The following BIRC6 variants were observed in gnomAD, a reference collection of about 807,000 sequenced individuals.
BIRC6 encodes the protein baculoviral IAP repeat containing 6.
In BIRC6, 98 loss-of-function variants were observed where a neutral mutation model predicts 503.3. That is an observed-to-expected ratio of 0.19 (90% CI 0.17 to 0.23). The LOEUF (loss-of-function observed/expected upper bound fraction) is 0.23, where lower values mean the gene tolerates loss of function less well. Among genes scored for constraint, BIRC6 ranks in the 10% least tolerant of loss-of-function variants. BIRC6 has a pLI of 1.00. For missense variants in BIRC6, 5,360 were observed against 5,806.0 expected, an observed-to-expected ratio of 0.92 and a Z score of 2.50; for synonymous variants, 2,240 against 2,078.7, an observed-to-expected ratio of 1.08 and a Z score of -2.11.
At chr2:32,537,836 G>A (rs890762931) in intron 61 of BIRC6, among the ~76,000 whole-genome samples, 4 of 151,968 alleles carry the variant, frequency 2.6e-5, no homozygotes, top group African/African-American at 4.8e-5. Context: ...CGGGGTGGCA[G>A]GTGCCTGTAG....
chr2:32,440,853 A>G (rs72798796), intron 16 of BIRC6, among the ~76,000 whole-genome samples: 1 of 151,670 alleles, frequency 6.6e-6, no homozygotes, highest in Admixed American at 6.6e-5. Flanking sequence ...GCCTCCACCC[A>G]CTGAGTTCAA....
At chr2:32,465,667 A>G (rs1230419789) in intron 26 of BIRC6, among the ~76,000 whole-genome samples, 2 of 152,174 alleles carry the variant, frequency 1.3e-5, no homozygotes, top group African/African-American at 2.4e-5. Flanking sequence ...CAATCACAAC[A>G]TATTTGTGAA....
chr2:32,613,848 A>G (rs981607292), intron 73 of BIRC6, among the ~76,000 whole-genome samples: 13 of 151,868 alleles, frequency 8.6e-5, no homozygotes, highest in Admixed American at 3.9e-4. Flanking sequence ...TTCCTGAGCA[A>G]TTGTTTACCT....
intron 45 of BIRC6, among the ~76,000 whole-genome samples, chr2:32,495,719 T>C (rs957457605): frequency 2.6e-5 from 4 of 152,008 alleles, no homozygotes; most frequent in African/African-American, 4.8e-5. Context: ...CAGAATATTA[T>C]GTTTTCTTCT....
chr2:32,468,799 A>C lies in BIRC6; in HGVS notation c.6127+16A>C. ...GCTTCTAATGGTTTGTATTTGGCTT[A>C]CATATTTTAAAGGCTGGGAATATAC... On this transcript the variant is annotated intron_variant, in intron 29 of 73. Transcript: ENST00000421745. The C allele has an allele frequency of 6.5e-7, 1 of 1,537,608 alleles. No homozygotes were observed. The highest frequency in any genetic ancestry group is 1.4e-5 in the African/African-American group (1 of 73,028).
At chr2:32,403,033 T>C (rs1463700211) in intron 8 of BIRC6, among the ~76,000 whole-genome samples, 1 of 152,214 alleles carries the variant, frequency 6.6e-6, no homozygotes, top group Non-Finnish European at 1.5e-5. Context: ...TACTTGCTTT[T>C]AAGAAATTCA....
chr2:32,478,023 C>G (rs975662865), intron 35 of BIRC6, among the ~76,000 whole-genome samples: 1 of 152,014 alleles, frequency 6.6e-6, no homozygotes, highest in Non-Finnish European at 1.5e-5. Context: ...AGGAAATACA[C>G]AAGTAAGTGT....
At chr2:32,435,996 A>G (rs1266708247) in intron 14 of BIRC6, 57 bp from the exon 15 acceptor site, 1 of 1,077,282 alleles carries the variant, frequency 9.3e-7, no homozygotes, top group Non-Finnish European at 1.2e-6. Context: ...TTTGCTTATT[A>G]AATATTACAT....
intron 9 of BIRC6, among the ~76,000 whole-genome samples, chr2:32,412,247 C>T (rs889790789): frequency 6.6e-6 from 1 of 151,990 alleles, no homozygotes; most frequent in Non-Finnish European, 1.5e-5. Context: ...GTCTATAATC[C>T]GAGCACTTTG....
chr2:32,377,852 T>A, intron 2 of BIRC6, 83 bp downstream of exon 2: 1 of 1,217,760 alleles, frequency 8.2e-7, no homozygotes, highest in Non-Finnish European at 1.1e-6. Flanking sequence ...TAAGTCATCC[T>A]TTAAGGACGT....
chr2:32,451,304 T>A (rs1421019980), intron 22 of BIRC6, among the ~76,000 whole-genome samples: 1 of 152,136 alleles, frequency 6.6e-6, no homozygotes, highest in Non-Finnish European at 1.5e-5. Context: ...CCCCGTTTAG[T>A]CTTTTTTGGC....
At chr2:32,596,057 A>T (rs1428160718) in intron 68 of BIRC6, among the ~76,000 whole-genome samples, 1 of 152,222 alleles carries the variant, frequency 6.6e-6, no homozygotes, top group East Asian at 1.9e-4. Flanking sequence ...GTATTAAAGT[A>T]CTAAAACCAA....
rs150899507 is a variant in BIRC6 at position 32,429,243 on chromosome 2, A to G, written c.2970A>G (p.Pro990=). ...VDGSLSKGIE[P]SSEGSKPLSN... Reference sequence around the variant, plus strand: ...GATCTCTTTCTAAAGGAATAGAACCATCTTCAGAAGGTTCCAAACCTTTAT... The same window carrying G: ...GATCTCTTTCTAAAGGAATAGAACCGTCTTCAGAAGGTTCCAAACCTTTAT... The change falls in exon 11 of 74, where the codon CCA becomes CCG. Residue 990 remains proline (P), a synonymous_variant. Transcript: ENST00000421745. 1.1e-5 allele frequency: 17 copies of G among 1,554,602 alleles called. 1 individual carries two copies. The highest frequency in any genetic ancestry group is 2.4e-5 in the South Asian group (2 of 83,660).
At chr2:32,447,202 C>G (rs1428778355) in intron 21 of BIRC6, among the ~76,000 whole-genome samples, 1 of 149,504 alleles carries the variant, frequency 6.7e-6, no homozygotes, top group Non-Finnish European at 1.5e-5. Context: ...TTTCCCCACC[C>G]TTCCCGCCTT....
chr2:32,610,116 T>C (rs2062763367), intron 72 of BIRC6, among the ~76,000 whole-genome samples: 1 of 152,190 alleles, frequency 6.6e-6, no homozygotes, highest in Non-Finnish European at 1.5e-5. Flanking sequence ...TCCCAGAGGC[T>C]TCAAACCCAA....
At chr2:32,457,107 G>A (rs1026042843) in intron 23 of BIRC6, among the ~76,000 whole-genome samples, 9 of 152,044 alleles carry the variant, frequency 5.9e-5, no homozygotes, top group Non-Finnish European at 8.8e-5. Flanking sequence ...GATTTACCTC[G>A]TCTGATGTTT....
Position 32,480,598 on chromosome 2 carries a change from T to C in BIRC6, c.7409-722T>C, listed in dbSNP as rs186949400. On this transcript the variant is annotated intron_variant, in intron 37 of 73. Coordinates refer to ENST00000421745, the MANE Select transcript of BIRC6 (RefSeq NM_016252.4). ...CTGAGAGACAATAATTTCTAATTCATAACAGAAAAATAAGGTAAATGGCTT... is the reference window on the plus strand; with the variant it reads ...CTGAGAGACAATAATTTCTAATTCACAACAGAAAAATAAGGTAAATGGCTT... Among the ~76,000 whole-genome samples the C allele has an allele frequency of 2.4e-4, 33 of 134,870 alleles. No individual in the cohort carries two copies. The East Asian group carries it at 8.2e-3, about 34-fold the overall frequency. The allele number at this position is 134,870 out of a possible 152,430, so 88.5% of individuals were successfully genotyped here.
intron 19 of BIRC6, 37 bp downstream of exon 19, chr2:32,442,492 G>A (rs1445764928): frequency 6.4e-7 from 1 of 1,553,008 alleles, no homozygotes; most frequent in South Asian, 1.2e-5. Flanking sequence ...TACTTTCTAG[G>A]TACACCTGCA....
intron 65 of BIRC6, among the ~76,000 whole-genome samples, chr2:32,556,024 A>G (rs1416780577): frequency 6.6e-6 from 1 of 152,114 alleles, no homozygotes; most frequent in East Asian, 1.9e-4. Flanking sequence ...TTAGCTGAGC[A>G]GTACCAATAA....
Sources: allele counts gnomAD v4.1 joint callset (sites outside exome capture counted in the v4.1 genomes callset), GRCh38; gene constraint gnomAD v4.1.1; transcripts MANE v1.5; gene names NCBI Gene and HGNC (gene_info 2026-07-23, HGNC 2026-07-21).